Variants in CCDC88C observed in about 807,000 individuals in gnomAD.
The protein encoded by CCDC88C is protein Daple.
Under a neutral mutation model 198.8 loss-of-function variants are expected in CCDC88C, and 131 were observed. The ratio of observed to expected loss-of-function variants is 0.66; its 90% CI spans 0.57 to 0.76. CCDC88C has a LOEUF of 0.76. Among genes scored for constraint, CCDC88C ranks in the 30% least tolerant of loss-of-function variants. The probability of loss-of-function intolerance (pLI) is 0.00; values close to 1 mark genes in which losing one functional copy is unlikely to be tolerated. For synonymous variants in CCDC88C, 1,166 were observed against 1,114.7 expected, an observed-to-expected ratio of 1.05 and a Z score of -0.92; for missense variants, 2,553 against 2,631.6, an observed-to-expected ratio of 0.97 and a Z score of 0.65.
intron 10 of CCDC88C, among the ~76,000 whole-genome samples, chr14:91,326,592 C>G (rs532943484): frequency 2.0e-5 from 3 of 152,272 alleles, no homozygotes; most frequent in Admixed American, 2.0e-4. Context: ...TCAAGATAGG[C>G]TGGGAATAGT....
chr14:91,410,025 T>G (rs998820216), intron 2 of CCDC88C, among the ~76,000 whole-genome samples: 19 of 152,266 alleles, frequency 1.2e-4, no homozygotes, highest in African/African-American at 4.3e-4. Flanking sequence ...ATCCCCGAAG[T>G]GTCATTTATT....
chr14:91,279,499 A>C, intron 27 of CCDC88C, 193 bp from the exon 28 acceptor site: 1 of 543,290 alleles, frequency 1.8e-6, no homozygotes, highest in East Asian at 3.0e-5. Context: ...AGTGCTGGGC[A>C]CAGCACAAGC....
rs201422981 is a variant in CCDC88C at position 91,272,735 on chromosome 14, C to T, written c.5977G>A (p.Gly1993Ser). 37 of 1,610,108 alleles carry T rather than the reference C, an allele frequency of 2.3e-5. No homozygotes were observed. Among genetic ancestry groups the T allele is most frequent in the African/African-American group, 8.0e-5 (6 of 75,052 alleles). The change falls in exon 30 of 30, where the codon GGC (glycine) becomes AGC (serine). Residue 1993 changes from glycine (G) to serine (S), a missense_variant. Around this residue, in one of 2 missense-constraint regions of CCDC88C, gnomAD observed 1,293 missense variants for 1,219.6 expected, o/e 1.06. Transcript: ENST00000389857. The part of the protein sequence containing the change: ...GRSPDLAPHL[G>S]RALEDCSRGS... ...CGACTGCAGTCCTCCAGGGCCCGGC[C>T]GAGGTGGGGAGCCAAATCGGGAGAC...
chr14:91,290,270 T>TCAAAACAAAA (rs572336256), intron 24 of CCDC88C, among the ~76,000 whole-genome samples: 3 of 152,144 alleles, frequency 2.0e-5, no homozygotes, highest in South Asian at 2.1e-4. Context: ...AGACTCCGTC[T>TCAAAACAAAA]CAAAACAAAA....
At chr14:91,396,205 G>C (rs114379468) in intron 3 of CCDC88C, among the ~76,000 whole-genome samples, 4 of 152,206 alleles carry the variant, frequency 2.6e-5, no homozygotes, top group African/African-American at 7.2e-5. Context: ...CCGGCTTCAC[G>C]GAGAGGCAGA....
At chr14:91,275,677 T>C (rs575025983) in intron 29 of CCDC88C, among the ~76,000 whole-genome samples, 8 of 147,346 alleles carry the variant, frequency 5.4e-5, no homozygotes, top group East Asian at 3.9e-4. Flanking sequence ...TGGGGTTTCA[T>C]TGTATCTTTA....
intron 19 of CCDC88C, among the ~76,000 whole-genome samples, chr14:91,305,367 A>G (rs971934643): frequency 6.6e-6 from 1 of 152,190 alleles, no homozygotes; most frequent in African/African-American, 2.4e-5. Context: ...AAAAATTCAC[A>G]TTAGCTTAAA....
Position 91,294,077 on chromosome 14 carries a change from G to A in CCDC88C, c.4112+96C>T, listed in dbSNP as rs1890889343. ...GCCCTCAGGATCCCAACGGGCCCAGGGGCTCCTCTCTGCATGGGAAGCCAG... is the reference window on the plus strand; with the variant it reads ...GCCCTCAGGATCCCAACGGGCCCAGAGGCTCCTCTCTGCATGGGAAGCCAG... On this transcript the variant is annotated intron_variant, in intron 23 of 29. Coordinates refer to ENST00000389857, the MANE Select transcript of CCDC88C (RefSeq NM_001080414.4). 10 of 1,433,354 alleles carry A rather than the reference G, an allele frequency of 7.0e-6. No homozygotes were observed. The South Asian group carries it at 1.2e-4, about 17-fold the overall frequency. The allele number at this position is 1,433,354 out of a possible 1,614,324, so 88.8% of individuals were successfully genotyped here.
Position 91,315,734 on chromosome 14 carries a change from C to T in CCDC88C, c.1581G>A (p.Leu527=). The change falls in exon 14 of 30, where the codon CTG becomes CTA. Residue 527 remains leucine (L), a synonymous_variant. Coordinates refer to ENST00000389857, the MANE Select transcript of CCDC88C (RefSeq NM_001080414.4). ...LEREKQSNQD[L]ETLSEELIRE... ...TGATCAGCTCCTCACTGAGGGTCTCCAGATCTTGGTTGCTCTGCTTTTCTC... is the reference window on the plus strand; with the variant it reads ...TGATCAGCTCCTCACTGAGGGTCTCTAGATCTTGGTTGCTCTGCTTTTCTC... 1.2e-6 allele frequency: 2 copies of T among 1,613,816 alleles called. No homozygotes were observed. The highest frequency in any genetic ancestry group is 1.7e-6 in the Non-Finnish European group (2 of 1,179,834).
intron 1 of CCDC88C, 56 bp from the exon 2 acceptor site, chr14:91,416,894 G>T (rs567479451): frequency 2.4e-6 from 3 of 1,267,156 alleles, no homozygotes; most frequent in East Asian, 2.4e-5. Flanking sequence ...GCGCACAAAC[G>T]GTCCAAAGCT....
intron 15 of CCDC88C, among the ~76,000 whole-genome samples, chr14:91,312,245 G>A (rs549665317): frequency 3.2e-4 from 48 of 151,952 alleles, no homozygotes; most frequent in Middle Eastern, 6.8e-3. Context: ...AAAAATTAGC[G>A]AGGCGTGATG....
chr14:91,388,564 G>A (rs902068196), intron 3 of CCDC88C, among the ~76,000 whole-genome samples: 14 of 152,312 alleles, frequency 9.2e-5, no homozygotes, highest in Admixed American at 5.2e-4. Flanking sequence ...GACGGTGACC[G>A]CGTCTGCTGC....
intron 4 of CCDC88C, among the ~76,000 whole-genome samples, chr14:91,346,878 G>A (rs944359114): frequency 7.9e-5 from 12 of 152,110 alleles, no homozygotes; most frequent in Admixed American, 3.3e-4. Context: ...CAGCCTTGGC[G>A]ACAAAGGAAG....
intron 3 of CCDC88C, among the ~76,000 whole-genome samples, chr14:91,367,234 G>C (rs987933309): frequency 1.3e-5 from 2 of 152,166 alleles, no homozygotes; most frequent in Non-Finnish European, 2.9e-5. Flanking sequence ...ATAAATGAGA[G>C]GGAAATCCCA....
intron 2 of CCDC88C, 83 bp downstream of exon 2, chr14:91,416,655 G>A: frequency 1.1e-6 from 1 of 923,042 alleles, no homozygotes; most frequent in East Asian, 2.7e-5. Flanking sequence ...CACACACCCC[G>A]CCATGCAACC....
At chr14:91,291,644 G>A (rs1308933381) in intron 23 of CCDC88C, among the ~76,000 whole-genome samples, 1 of 152,190 alleles carries the variant, frequency 6.6e-6, no homozygotes, top group African/African-American at 2.4e-5. Context: ...AGTGGGGACT[G>A]CAGTGAGCCC....
chr14:91,289,392 CCAG>C, intron 24 of CCDC88C, 49 bp from the exon 25 acceptor site: 2 of 1,493,004 alleles, frequency 1.3e-6, no homozygotes, highest in Non-Finnish European at 1.9e-6. Context: ...CCACACACCC[CCAG>C]TGGGTCCCTG....
intron 10 of CCDC88C, among the ~76,000 whole-genome samples, chr14:91,329,495 G>A (rs1255155013): frequency 6.6e-6 from 1 of 152,142 alleles, no homozygotes; most frequent in African/African-American, 2.4e-5. Context: ...TCTCCTAGGA[G>A]TACCCCTCTT....
intron 13 of CCDC88C, among the ~76,000 whole-genome samples, chr14:91,318,631 A>C (rs1445610711): frequency 1.3e-5 from 2 of 152,200 alleles, no homozygotes; most frequent in Non-Finnish European, 2.9e-5. Context: ...ACCTGTTCCC[A>C]GCCTCAGAGA....
Sources: gnomAD v4.1 joint callset for allele counts (sites outside exome capture counted in the v4.1 genomes callset) on GRCh38, gnomAD v4.1.1 for gene constraint, gnomAD v4.1.1 regional missense constraint, MANE v1.5 for transcripts, NCBI Gene and HGNC (gene_info 2026-07-23, HGNC 2026-07-21) for gene names.